The following NRG3 variants were observed in gnomAD, a reference collection of about 807,000 sequenced individuals.
NRG3 encodes pro-neuregulin-3, membrane-bound isoform.
NRG3 carries 31 observed loss-of-function variants against 66.9 expected under a neutral mutation model. The observed-to-expected ratio is 0.46, with a 90% CI of 0.35 to 0.63. NRG3 has a LOEUF of 0.63. NRG3 is among the 20% of genes least tolerant of loss of function. The pLI is 0.00. For missense variants in NRG3, 910 were observed against 878.9 expected (o/e 1.04, Z -0.45); for synonymous variants, 393 against 359.4 (o/e 1.09, Z -1.06).
chr10:82,907,694 T>G (rs554266963), intron 4 of NRG3, among the ~76,000 whole-genome samples: 1 of 152,314 alleles, frequency 6.6e-6, no homozygotes, highest in African/African-American at 2.4e-5. Flanking sequence ...ATCTATACAC[T>G]TTTCATTTAT....
intron 1 of NRG3, among the ~76,000 whole-genome samples, chr10:82,049,585 T>G (rs185288461): frequency 9.2e-5 from 14 of 152,274 alleles, no homozygotes; most frequent in Admixed American, 8.5e-4. Flanking sequence ...TTCTGCTTTT[T>G]CTTTTCTTTC....
intron 2 of NRG3, among the ~76,000 whole-genome samples, chr10:82,376,925 T>G (rs7078253): frequency 0.19 from 28,883 of 152,124 alleles, 4,056 homozygotes; most frequent in African/African-American, 0.39. Context: ...TTCTACTGCT[T>G]CTTTGGAATT....
At chr10:82,845,142 G>A (rs540002035) in intron 3 of NRG3, among the ~76,000 whole-genome samples, 1 of 152,298 alleles carries the variant, frequency 6.6e-6, no homozygotes, top group Non-Finnish European at 1.5e-5. Context: ...GCGATAAAGC[G>A]AGACTGCATC....
At chr10:82,621,251 A>C (rs968095603) in intron 2 of NRG3, among the ~76,000 whole-genome samples, 1 of 152,210 alleles carries the variant, frequency 6.6e-6, no homozygotes, top group African/African-American at 2.4e-5. Context: ...GACCTGCTGA[A>C]GTTTACATCA....
intron 1 of NRG3, among the ~76,000 whole-genome samples, chr10:81,973,548 C>T (rs2060008093): frequency 6.6e-6 from 1 of 152,142 alleles, no homozygotes; most frequent in South Asian, 2.1e-4. Flanking sequence ...GTTCCTTTTA[C>T]TCTGCAACCT....
At chr10:81,933,282 G>A (rs550540089) in intron 1 of NRG3, among the ~76,000 whole-genome samples, 5 of 152,010 alleles carry the variant, frequency 3.3e-5, no homozygotes, top group East Asian at 1.9e-4. Context: ...TCAGATCCAC[G>A]ATCTTATCTA....
chr10:82,602,790 A>G (rs1022946444), intron 2 of NRG3, among the ~76,000 whole-genome samples: 4 of 152,166 alleles, frequency 2.6e-5, no homozygotes, highest in Non-Finnish European at 4.4e-5. Flanking sequence ...CAATTCTGGG[A>G]TACACATGAG....
intron 4 of NRG3, among the ~76,000 whole-genome samples, chr10:82,905,294 T>C (rs911359801): frequency 6.6e-6 from 1 of 152,138 alleles, no homozygotes; most frequent in African/African-American, 2.4e-5. Flanking sequence ...TCTCTCCGAT[T>C]GTCTTAATCC....
chr10:81,879,851 C>T (rs749264432), intron 1 of NRG3, among the ~76,000 whole-genome samples: 8 of 152,148 alleles, frequency 5.3e-5, no homozygotes, highest in Non-Finnish European at 1.2e-4. Flanking sequence ...TTATAAGCAG[C>T]CTCAGATATA....
intron 2 of NRG3, among the ~76,000 whole-genome samples, chr10:82,564,025 G>A (rs2045230573): frequency 6.6e-6 from 1 of 151,986 alleles, no homozygotes; most frequent in African/African-American, 2.4e-5. Context: ...ACTTCTATTT[G>A]TGATGAGCTC....
chr10:82,959,098 T>C, intron 6 of NRG3, 23 bp downstream of exon 6: 1 of 1,571,234 alleles, frequency 6.4e-7, no homozygotes, highest in East Asian at 2.3e-5. Context: ...TCTACACACC[T>C]CCTCCTATAG....
At chr10:81,881,941 T>C (rs1399307830) in intron 1 of NRG3, among the ~76,000 whole-genome samples, 1 of 152,214 alleles carries the variant, frequency 6.6e-6, no homozygotes, top group African/African-American at 2.4e-5. Flanking sequence ...TGCAGTTTTC[T>C]TGTCTATATG....
At chr10:82,574,001 A>T (rs907482526) in intron 2 of NRG3, among the ~76,000 whole-genome samples, 1 of 151,830 alleles carries the variant, frequency 6.6e-6, no homozygotes, top group African/African-American at 2.4e-5. Context: ...AAAAAATGGA[A>T]CTACAATATG....
chr10:82,327,191 G>A (rs2081917125), intron 1 of NRG3, among the ~76,000 whole-genome samples: 2 of 152,152 alleles, frequency 1.3e-5, no homozygotes, highest in Non-Finnish European at 2.9e-5. Flanking sequence ...CATCTCAGAA[G>A]CAAGATTAGG....
rs572764638 is a variant in NRG3 at position 82,448,523 on chromosome 10, G to A, written c.953+89655G>A. Among the ~76,000 whole-genome samples, 233 of 152,188 alleles carry A rather than the reference G, an allele frequency of 1.5e-3. 2 individuals carry two copies. The highest frequency in any genetic ancestry group is 5.3e-3 in the African/African-American group (219 of 41,544). ...TCATATCTTATTAATATACTTTTGT[G>A]GATGTAACAGATTTAATTTTTAATG... is the stretch of plus-strand genomic sequence containing the variant. On this transcript the variant is annotated intron_variant, in intron 2 of 8. Coordinates refer to ENST00000372141, the MANE Select transcript of NRG3 (RefSeq NM_001010848.4).
intron 3 of NRG3, among the ~76,000 whole-genome samples, chr10:82,795,854 T>A (rs1019233512): frequency 3.3e-5 from 5 of 152,156 alleles, no homozygotes; most frequent in Non-Finnish European, 5.9e-5. Context: ...GCATTTAGCA[T>A]GAGTGACTCC....
At chr10:82,793,324 G>A (rs1260010446) in intron 3 of NRG3, among the ~76,000 whole-genome samples, 2 of 151,802 alleles carry the variant, frequency 1.3e-5, no homozygotes, top group Non-Finnish European at 2.9e-5. Context: ...CCATTTCTTG[G>A]CTCACATTAA....
chr10:82,107,281 AG>A (rs1159796380), intron 1 of NRG3, among the ~76,000 whole-genome samples: 2 of 152,188 alleles, frequency 1.3e-5, no homozygotes, highest in East Asian at 3.8e-4. Context: ...TTGGATTTTT[AG>A]ATTAGGATGA....
intron 2 of NRG3, among the ~76,000 whole-genome samples, chr10:82,558,835 G>T (rs1219715578): frequency 6.6e-6 from 1 of 151,756 alleles, no homozygotes. Flanking sequence ...CATATTCTTG[G>T]GCATTTCTCT....
Sources: gnomAD v4.1 joint callset for allele counts (sites outside exome capture counted in the v4.1 genomes callset) on GRCh38, gnomAD v4.1.1 for gene constraint, MANE v1.5 for transcripts, NCBI Gene and HGNC (gene_info 2026-07-23, HGNC 2026-07-21) for gene names.